TULP4: variants seen among roughly 807,000 people sequenced by gnomAD.
TULP4 encodes the protein TUB like protein 4, also known as tubby-related protein 4.
Under a neutral mutation model 129.0 loss-of-function variants are expected in TULP4, and 16 were observed. The observed-to-expected ratio is 0.12, with a 90% confidence interval of 0.08 to 0.19. The LOEUF (loss-of-function observed/expected upper bound fraction) is 0.19. Ranked by LOEUF, TULP4 falls within the 10% of genes least tolerant of loss-of-function variation. The probability of loss-of-function intolerance (pLI) is 1.00; values close to 1 mark genes in which losing one functional copy is unlikely to be tolerated. For synonymous variants in TULP4, 998 were observed against 854.0 expected (o/e 1.17, Z -2.94); for missense variants, 1,842 against 2,059.1 (o/e 0.89, Z 2.04).
Position 158,313,759 on chromosome 6 carries a change from A to AAAAAAAC in TULP4, c.-257_-256insAAAAACA, listed in dbSNP as rs1779418564. 1.9e-6 allele frequency: 1 copy of AAAAAAAC among 519,920 alleles called. No homozygotes were observed. Among genetic ancestry groups the AAAAAAAC allele is most frequent in the Non-Finnish European group, 3.4e-6 (1 of 298,062 alleles). The allele number at this position is 519,920 out of a possible 1,614,324, so 32.2% of individuals were successfully genotyped here. ...CTTCCTCTGAGAACTTGAAAATACA[A>AAAAAAAC]ATGGACCCCATGTTTTTTTAAGCAT... On this transcript the variant is annotated 5_prime_UTR_variant, in exon 1 of 14. The change creates a new upstream start codon in the 5' untranslated region. Coordinates refer to ENST00000367097, the MANE Select transcript of TULP4 (RefSeq NM_020245.5).
At chr6:158,447,339 G>A (rs1562569961) in intron 3 of TULP4, among the ~76,000 whole-genome samples, 2 of 152,058 alleles carry the variant, frequency 1.3e-5, no homozygotes, top group East Asian at 1.9e-4. Context: ...ATTTCATGGT[G>A]TTCCTAGTAG....
intron 1 of TULP4, among the ~76,000 whole-genome samples, chr6:158,391,861 A>T (rs954963802): frequency 1.3e-5 from 2 of 152,150 alleles, no homozygotes; most frequent in African/African-American, 4.8e-5. Flanking sequence ...CTTTCCTCTG[A>T]GATGTAAGGA....
chr6:158,410,334 A>G (rs574352680), intron 1 of TULP4, among the ~76,000 whole-genome samples: 3 of 152,078 alleles, frequency 2.0e-5, no homozygotes, highest in Admixed American at 6.6e-5. Context: ...AGCCTTTTTC[A>G]TGGAGAGGTT....
At chr6:158,416,080 G>A (rs958273936) in intron 2 of TULP4, among the ~76,000 whole-genome samples, 1 of 152,222 alleles carries the variant, frequency 6.6e-6, no homozygotes, top group African/African-American at 2.4e-5. Context: ...TTGAGGGCAG[G>A]AGGCATCCAG....
intron 1 of TULP4, among the ~76,000 whole-genome samples, chr6:158,261,458 G>A (rs1024000279): frequency 1.3e-5 from 2 of 152,134 alleles, no homozygotes; most frequent in African/African-American, 2.4e-5. Context: ...GATATTCCCC[G>A]CAGATAACTT....
intron 6 of TULP4, among the ~76,000 whole-genome samples, chr6:158,472,125 C>T (rs1286056122): frequency 1.3e-5 from 2 of 152,124 alleles, no homozygotes; most frequent in African/African-American, 2.4e-5. Context: ...ATTGAGGCTC[C>T]CCTTCTCTGT....
chr6:158,281,152 A>G (rs1171473944), upstream of TULP4, among the ~76,000 whole-genome samples: 1 of 151,920 alleles, frequency 6.6e-6, no homozygotes, highest in Non-Finnish European at 1.5e-5. Context: ...GTTTCCATGC[A>G]TTTTACTGGT....
At chr6:158,331,003 G>A (rs567687071) in intron 1 of TULP4, among the ~76,000 whole-genome samples, 1 of 152,260 alleles carries the variant, frequency 6.6e-6, no homozygotes, top group Non-Finnish European at 1.5e-5. Context: ...ATGTGGAGGT[G>A]CACAGTAGCT....
At chr6:158,253,973 A>G (rs1376392825) in intron 1 of TULP4, among the ~76,000 whole-genome samples, 3 of 151,832 alleles carry the variant, frequency 2.0e-5, no homozygotes. Context: ...CAGGAGTCGG[A>G]GGTTGCAGTG....
intron 6 of TULP4, among the ~76,000 whole-genome samples, chr6:158,475,774 G>A (rs1013242013): frequency 2.6e-5 from 4 of 152,328 alleles, no homozygotes; most frequent in Middle Eastern, 6.8e-3. Flanking sequence ...TGAACGCCCC[G>A]CCCCGTGTCT....
Position 158,509,714 on chromosome 6 carries a change from C to T in TULP4, c.*3020C>T, listed in dbSNP as rs1378728647. The T allele has an allele frequency of 2.0e-5, 3 of 152,198 alleles. No individual in the cohort carries two copies. Among genetic ancestry groups the T allele is most frequent in the South Asian group, 2.1e-4 (1 of 4,826 alleles). 9.4% of individuals were successfully genotyped at this position (152,198 alleles called of 1,614,324 possible). ...CACGTGAGTTTGTATGAGTTTGTACCGGAGTGACCCCGGCAGCCACTGCCC... is the reference window on the plus strand; with the variant it reads ...CACGTGAGTTTGTATGAGTTTGTACTGGAGTGACCCCGGCAGCCACTGCCC... On this transcript the variant is annotated 3_prime_UTR_variant, in exon 14 of 14. Transcript: ENST00000367097.
At chr6:158,281,652 G>T (rs186561202), upstream of TULP4, among the ~76,000 whole-genome samples, 238 of 152,260 alleles carry the variant, frequency 1.6e-3, 2 homozygotes, top group African/African-American at 5.1e-3. Flanking sequence ...TTAGGGAGAA[G>T]GGGAAGGACA....
At chr6:158,343,692 G>C in intron 1 of TULP4, among the ~76,000 whole-genome samples, 1 of 152,162 alleles carries the variant, frequency 6.6e-6, no homozygotes, top group Non-Finnish European at 1.5e-5. Flanking sequence ...AATTTCTGTG[G>C]TTCATAGCTG....
intron 1 of TULP4, among the ~76,000 whole-genome samples, chr6:158,386,184 T>C (rs1022408532): frequency 1.3e-5 from 2 of 152,106 alleles, no homozygotes; most frequent in Admixed American, 1.3e-4. Flanking sequence ...TGCAATTGGC[T>C]AGCTGAGATA....
At chr6:158,338,323 A>G (rs1330269808) in intron 1 of TULP4, among the ~76,000 whole-genome samples, 1 of 152,202 alleles carries the variant, frequency 6.6e-6, no homozygotes, top group Non-Finnish European at 1.5e-5. Flanking sequence ...ACCCAGCCCA[A>G]ATTATACTTT....
chr6:158,476,466 C>T (rs1277737778), intron 6 of TULP4, among the ~76,000 whole-genome samples: 2 of 152,176 alleles, frequency 1.3e-5, no homozygotes, highest in Non-Finnish European at 2.9e-5. Flanking sequence ...TCTTTCGCGT[C>T]TTCTCACTCC....
At chr6:158,473,611 C>T (rs929247719) in intron 6 of TULP4, among the ~76,000 whole-genome samples, 57 of 152,248 alleles carry the variant, frequency 3.7e-4, no homozygotes, top group African/African-American at 1.3e-3. Context: ...CTCTGCCTCC[C>T]GGGTTCAAGT....
intron 1 of TULP4, among the ~76,000 whole-genome samples, chr6:158,249,433 A>G (rs951193759): frequency 6.6e-6 from 1 of 152,204 alleles, no homozygotes; most frequent in African/African-American, 2.4e-5. Context: ...GACAGAAGTG[A>G]GAATGAAAGT....
chr6:158,434,778 GTCC>G (rs2115075338), intron 3 of TULP4, among the ~76,000 whole-genome samples: 1 of 152,246 alleles, frequency 6.6e-6, no homozygotes, highest in South Asian at 2.1e-4. Flanking sequence ...GCTGAGTGTG[GTCC>G]TCCTAGGGCG....
Sources: allele counts gnomAD v4.1 joint callset (sites outside exome capture counted in the v4.1 genomes callset), GRCh38; gene constraint gnomAD v4.1.1; transcripts MANE v1.5; gene names NCBI Gene and HGNC (gene_info 2026-07-23, HGNC 2026-07-21).